The following SYTL2 variants were observed in gnomAD, a reference collection of about 807,000 sequenced individuals.
SYTL2 encodes synaptotagmin-like protein 2.
Under a neutral mutation model 198.7 loss-of-function variants are expected in SYTL2, and 165 were observed. That is an observed-to-expected ratio of 0.83 (90% CI 0.73 to 0.94). The LOEUF is 0.94. Ranked by LOEUF, SYTL2 falls within the 40% of genes least tolerant of loss-of-function variation. The pLI is 0.00. For missense variants in SYTL2, 2,835 were observed against 2,582.8 expected, an observed-to-expected ratio of 1.10 and a Z score of -2.12; for synonymous variants, 966 against 917.7, an observed-to-expected ratio of 1.05 and a Z score of -0.95.
the SYTL2 span, among the ~76,000 whole-genome samples, chr11:85,834,444 C>T: frequency 2.0e-5 from 3 of 151,940 alleles, no homozygotes; most frequent in Admixed American, 2.0e-4. Flanking sequence ...GTTTCTATTC[C>T]AAGGTTATTT....
chr11:85,808,399 T>A (rs751940258), intron 1 of SYTL2, among the ~76,000 whole-genome samples: 16 of 152,122 alleles, frequency 1.1e-4, no homozygotes, highest in Non-Finnish European at 2.1e-4. Flanking sequence ...GGATCTTATA[T>A]TTTTTTCTAC....
intron 1 of SYTL2, among the ~76,000 whole-genome samples, chr11:85,768,779 T>C (rs757608852): frequency 9.2e-5 from 14 of 152,118 alleles, no homozygotes; most frequent in Non-Finnish European, 1.6e-4. Flanking sequence ...AGATGGGGTA[T>C]TGGTAGGAGA....
chr11:85,743,271 A>C (rs774039454), intron 4 of SYTL2, among the ~76,000 whole-genome samples: 1 of 152,228 alleles, frequency 6.6e-6, no homozygotes, highest in Non-Finnish European at 1.5e-5. Context: ...CATTGCAGGA[A>C]CTTGATACTG....
chr11:85,804,714 C>A (rs1592087691), intron 1 of SYTL2, among the ~76,000 whole-genome samples: 1 of 152,146 alleles, frequency 6.6e-6, no homozygotes, highest in African/African-American at 2.4e-5. Flanking sequence ...TAGTATGTTA[C>A]ATTAGCAACC....
chr11:85,724,113 C>T lies in SYTL2; in HGVS notation c.5245G>A (p.Glu1749Lys). The change falls in exon 8 of 20, where the codon GAA (glutamate) becomes AAA (lysine). Residue 1749 changes from glutamate (E) to lysine (K), a missense_variant. Physicochemically the swap from Glu to Lys is moderately conservative, Grantham distance 56. Coordinates refer to ENST00000359152, the MANE Select transcript of SYTL2 (RefSeq NM_206927.4). ...ASPYMKQEKE[E>K]EKEGFSESDF... ...GACTCAGAGAAACCTTCTTTTTCTT[C>T]CTCTTTCTCTTGTTTCATATATGGC... 6.3e-7 allele frequency: 1 copy of T among 1,585,030 alleles called. No individual in the cohort carries two copies.
the SYTL2 span, among the ~76,000 whole-genome samples, chr11:85,849,488 A>C: frequency 2.6e-5 from 4 of 152,204 alleles, no homozygotes; most frequent in East Asian, 1.9e-4. Flanking sequence ...GGAAGGGATC[A>C]AGTTTCAGCT....
chr11:85,709,597 G>T, intron 13 of SYTL2, 97 bp from the exon 14 acceptor site: 1 of 1,206,184 alleles, frequency 8.3e-7, no homozygotes, highest in Non-Finnish European at 1.2e-6. Context: ...TATTTCTTTA[G>T]CTTGCTTATA....
At chr11:85,712,864 G>C (rs975062990) in intron 12 of SYTL2, among the ~76,000 whole-genome samples, 13 of 151,890 alleles carry the variant, frequency 8.6e-5, no homozygotes, top group Non-Finnish European at 1.8e-4. Flanking sequence ...TTATAGACAT[G>C]AGCCACCATG....
In SYTL2 at chr11:85,724,699, C is replaced by T. The variant is rs146372321; in HGVS notation, c.4659G>A (p.Lys1553=). The T allele has an allele frequency of 9.3e-4, 1,495 of 1,614,048 alleles. 11 individuals carry two copies. The African/African-American group carries it at 0.018, about 19-fold the overall frequency. ...TCTCAGTTATTAACGGAGCCTCGGC[C>T]TTTTCTACTGTTTCTTTTAATTCCT... ...HPEELKETVE[K]AEAPLITESA... is the part of the protein sequence containing the mutation. Residue 1553 remains lysine (K), a synonymous_variant, in exon 8 of 20, where the codon AAG becomes AAA. Transcript: ENST00000359152.
intron 1 of SYTL2, among the ~76,000 whole-genome samples, chr11:85,795,918 G>C (rs905239310): frequency 6.6e-6 from 1 of 152,148 alleles, no homozygotes; most frequent in African/African-American, 2.4e-5. Flanking sequence ...TGACACACAA[G>C]CACAGAGCAT....
Position 85,725,234 on chromosome 11 carries a change from T to C in SYTL2, c.4124A>G (p.Gln1375Arg). 1.2e-6 allele frequency: 2 copies of C among 1,614,180 alleles called. No individual in the cohort carries two copies. Among genetic ancestry groups the C allele is most frequent in the Non-Finnish European group, 1.7e-6 (2 of 1,180,028 alleles). Residue 1375 changes from glutamine (Q) to arginine (R), a missense_variant, in exon 8 of 20, where the codon CAG (glutamine) becomes CGG (arginine). Gln to Arg is a conservative substitution (Grantham distance 43). Coordinates refer to ENST00000359152, the MANE Select transcript of SYTL2 (RefSeq NM_206927.4). Reference sequence around the variant, plus strand: ...TAACCATACTTCTCCACACAGCTTCTGTAATGCAGCACTTACATCATTCAA... The same window carrying C: ...TAACCATACTTCTCCACACAGCTTCCGTAATGCAGCACTTACATCATTCAA... ...PVLNDVSAAL[Q>R]KLCGEVWLSY...
the SYTL2 span, among the ~76,000 whole-genome samples, chr11:85,832,909 T>A: frequency 6.7e-6 from 1 of 149,542 alleles, no homozygotes; most frequent in Non-Finnish European, 1.5e-5. Flanking sequence ...GCTGGGAGGA[T>A]CACTTGAGCC....
chr11:85,724,128 T>C lies in SYTL2; in HGVS notation c.5230A>G (p.Lys1744Glu). The change falls in exon 8 of 20, where the codon AAA (lysine) becomes GAA (glutamate). Residue 1744 changes from lysine (K) to glutamate (E), a missense_variant. Physicochemically the swap from Lys to Glu is moderately conservative, Grantham distance 56. This residue lies in a region of SYTL2 where 2,645 missense variants were observed against 2,381.7 expected (regional missense o/e 1.11). Coordinates refer to ENST00000359152, the MANE Select transcript of SYTL2 (RefSeq NM_206927.4). ...VELTLASPYM[K>E]QEKEEEKEGF... ...TCTTTTTCTTCCTCTTTCTCTTGTT[T>C]CATATATGGCGATGCTAGAGTCAAT... 1 of 1,593,750 alleles carries C rather than the reference T, an allele frequency of 6.3e-7. No individual in the cohort carries two copies. Among genetic ancestry groups the C allele is most frequent in the Admixed American group, 1.9e-5 (1 of 53,536 alleles).
the SYTL2 span, among the ~76,000 whole-genome samples, chr11:85,840,032 G>A: frequency 1.1e-4 from 16 of 152,164 alleles, no homozygotes; most frequent in African/African-American, 3.9e-4. Flanking sequence ...TTTCTCTGAT[G>A]ATCAATGATG....
the SYTL2 span, among the ~76,000 whole-genome samples, chr11:85,817,897 C>CTTTTTTTTTTTTTTTTTTTTTTT: frequency 8.3e-6 from 1 of 119,872 alleles, no homozygotes. Context: ...ACCTTTGTGT[C>CTTTTTTTTTTTTTTTTTTTTTTT]TTTTCTTTTT....
intron 1 of SYTL2, among the ~76,000 whole-genome samples, chr11:85,803,313 C>A (rs2092916549): frequency 6.6e-6 from 1 of 152,198 alleles, no homozygotes; most frequent in Non-Finnish European, 1.5e-5. Context: ...AACTTCATTT[C>A]TACTCAAGTT....
chr11:85,724,244 T>C lies in SYTL2; in HGVS notation c.5114A>G (p.Glu1705Gly). 6.4e-7 allele frequency: 1 copy of C among 1,569,758 alleles called. No homozygotes were observed. Among genetic ancestry groups the C allele is most frequent in the Non-Finnish European group, 8.6e-7 (1 of 1,164,316 alleles). The change falls in exon 8 of 20, where the codon GAG becomes GGG. Residue 1705 changes from glutamate to glycine, a missense_variant. Around this residue, in one of 3 missense-constraint regions of SYTL2, gnomAD observed 2,645 missense variants for 2,381.7 expected, o/e 1.11. Transcript: ENST00000359152. ...QGTLQEPGFG[E>G]ASEAISVSRN... ...GGACACACTAATTGCTTCAGAAGCC[T>C]CTCCAAAGCCAGGTTCCTGAAGAGT... is the stretch of plus-strand genomic sequence containing the variant.
intron 1 of SYTL2, among the ~76,000 whole-genome samples, chr11:85,799,772 C>T (rs1392890256): frequency 2.0e-5 from 3 of 152,214 alleles, no homozygotes; most frequent in African/African-American, 7.2e-5. Flanking sequence ...TCTGTGCTCA[C>T]ATCTGACTAT....
the SYTL2 span, among the ~76,000 whole-genome samples, chr11:85,851,625 G>A: frequency 1.3e-5 from 2 of 152,198 alleles, no homozygotes; most frequent in African/African-American, 2.4e-5. Flanking sequence ...GCTTCACACT[G>A]ACCACCAACT....
Sources: gnomAD v4.1 joint callset for allele counts (sites outside exome capture counted in the v4.1 genomes callset) on GRCh38, gnomAD v4.1.1 for gene constraint, gnomAD v4.1.1 regional missense constraint, MANE v1.5 for transcripts, NCBI Gene and HGNC (gene_info 2026-07-23, HGNC 2026-07-21) for gene names.